Variants in LTK observed in about 807,000 individuals in gnomAD.
The protein encoded by LTK is leukocyte receptor tyrosine kinase.
In LTK, 117 loss-of-function variants were observed where a neutral mutation model predicts 101.5. The ratio of observed to expected loss-of-function variants is 1.15; its 90% CI spans 0.99 to 1.34. The LOEUF is 1.34. Ranked by LOEUF, LTK falls within the 40% of genes most tolerant of loss-of-function variation. The probability of loss-of-function intolerance (pLI) is 0.00; values close to 1 mark genes in which losing one functional copy is unlikely to be tolerated. For missense variants in LTK, 1,252 were observed against 1,164.7 expected, an observed-to-expected ratio of 1.07 and a Z score of -1.09; for synonymous variants, 563 against 494.2, an observed-to-expected ratio of 1.14 and a Z score of -1.85.
At chr15:41,506,564 C>G (rs316620) in intron 11 of LTK, among the ~76,000 whole-genome samples, 77,860 of 151,522 alleles carry the variant, frequency 0.51, 21,003 homozygotes, top group East Asian at 0.71. Context: ...CTTGGCCTCC[C>G]AAAGTGCTGA....
At chr15:41,508,245 A>C (rs749889308) in intron 8 of LTK, 24 bp from the exon 9 acceptor site, 75 of 1,597,618 alleles carry the variant, frequency 4.7e-5, no homozygotes, top group Non-Finnish European at 6.3e-5. Context: ...AACTGATATG[A>C]TATGGTGTGG....
chr15:41,508,013 G>A, intron 9 of LTK, 56 bp downstream of exon 9: 6 of 1,520,140 alleles, frequency 3.9e-6, no homozygotes, highest in South Asian at 1.3e-5. Context: ...GTGGCCTACT[G>A]CTCCTCCCAG....
intron 1 of LTK, 35 bp from the exon 2 acceptor site, chr15:41,513,155 G>A: frequency 6.5e-7 from 1 of 1,549,540 alleles, no homozygotes; most frequent in Non-Finnish European, 8.7e-7. Flanking sequence ...AGGACGTTAA[G>A]GCGGGTGGAA....
rs577397228 is a variant in LTK, at chr15:41,511,382, G to C, written c.815-36C>G. On this transcript the variant is annotated intron_variant, in intron 6 of 19. Transcript: ENST00000263800. This position sits in a 1 kb window ranked among gnomAD's most constrained non-coding sequence, Gnocchi z 5.9. Reference sequence around the variant, plus strand: ...ACAGCAGGAAGGTTGGCAGCCACACGGGGAGCACGCCCGCCTCTCCCCGCG... The same window carrying C: ...ACAGCAGGAAGGTTGGCAGCCACACCGGGAGCACGCCCGCCTCTCCCCGCG... 2 of 1,365,910 alleles carry C rather than the reference G, an allele frequency of 1.5e-6. No individual in the cohort carries two copies. The highest frequency in any genetic ancestry group is 1.9e-6 in the Non-Finnish European group (2 of 1,067,838). The allele number at this position is 1,365,910 out of a possible 1,614,324, so 84.6% of individuals were successfully genotyped here.
intron 4 of LTK, 56 bp from the exon 5 acceptor site, chr15:41,512,019 T>G (rs1465091968): frequency 1.2e-5 from 18 of 1,454,504 alleles, no homozygotes; most frequent in Non-Finnish European, 1.3e-5. Flanking sequence ...CTCGCTGTGC[T>G]GGTGACCCGG....
chr15:41,505,014 A>G lies in LTK; in HGVS notation c.1976T>C (p.Val659Ala), dbSNP rs1566863254. The part of the protein sequence containing the change: ...CLLSCAGPSR[V>A]AKIGDFGMAR... ...CATCCCAAAGTCCCCAATCTTGGCCACTCGGCTGGGTCCAGCGCAGCTCAG... is the reference window on the plus strand; with the variant it reads ...CATCCCAAAGTCCCCAATCTTGGCCGCTCGGCTGGGTCCAGCGCAGCTCAG... The change falls in exon 16 of 20, where the codon GTG becomes GCG. Residue 659 changes from valine (V) to alanine (A), a missense_variant. By Grantham distance (64) the Val-to-Ala change is moderately conservative. Coordinates refer to ENST00000263800, the MANE Select transcript of LTK (RefSeq NM_002344.6). 12 of 1,613,418 alleles carry G rather than the reference A, an allele frequency of 7.4e-6. No homozygotes were observed. The highest frequency in any genetic ancestry group is 1.1e-5 in the South Asian group (1 of 91,030).
chr15:41,504,303 C>T (rs1443052552), intron 19 of LTK, 39 bp downstream of exon 19: 1 of 1,612,172 alleles, frequency 6.2e-7, no homozygotes, highest in East Asian at 2.2e-5. Flanking sequence ...TCCCTCCTGA[C>T]CCACAAGACC....
At chr15:41,504,733 AGGGGAACAGT>A (rs1566862424) in intron 17 of LTK, 30 bp downstream of exon 17, 2 of 1,500,158 alleles carry the variant, frequency 1.3e-6, no homozygotes, top group South Asian at 2.4e-5. Flanking sequence ...GCCTCAGGGG[AGGGGAACAGT>A]GGGGAAGGGG....
Position 41,513,679 on chromosome 15 carries a change from A to C in LTK, c.31T>G (p.Phe11Val), listed in dbSNP as rs749006599. 6.2e-7 allele frequency: 1 copy of C among 1,613,080 alleles called. No individual in the cohort carries two copies. The highest frequency in any genetic ancestry group is 8.5e-7 in the Non-Finnish European group (1 of 1,179,830). MGCWGQLLVW[F>V]GAAGAILCSS... is the part of the protein sequence containing the mutation. ...AGATAGCACTTACCCGCGGCTCCGAACCACACCAGCAGCTGTCCCCAGCAG... is the reference window on the plus strand; with the variant it reads ...AGATAGCACTTACCCGCGGCTCCGACCCACACCAGCAGCTGTCCCCAGCAG... The change falls in exon 1 of 20, where the codon TTC becomes GTC. Residue 11 changes from phenylalanine to valine, a missense_variant. Coordinates refer to ENST00000263800, the MANE Select transcript of LTK (RefSeq NM_002344.6).
intron 7 of LTK, among the ~76,000 whole-genome samples, chr15:41,510,132 G>A (rs113841116): frequency 6.6e-6 from 1 of 151,502 alleles, no homozygotes; most frequent in Non-Finnish European, 1.5e-5. Flanking sequence ...TCAGCTTCCC[G>A]AGTAGCTGGG....
In LTK at chr15:41,511,567, G is replaced by C. The variant is rs1425853145; in HGVS notation, c.669C>G (p.Gly223=). 6.9e-7 allele frequency: 1 copy of C among 1,445,894 alleles called. No individual in the cohort carries two copies. The highest frequency in any genetic ancestry group is 1.5e-5 in the South Asian group (1 of 67,704). 89.6% of individuals were successfully genotyped at this position (1,445,894 alleles called of 1,614,324 possible). A position where few individuals can be genotyped will look rare whatever the true frequency, so the allele number is the denominator to read the frequency against. ...GATYVFRVRA[G]ELEPLLVAAG... ...CCGCCACCAGCAACGGTTCCAGCTC[G>C]CCAGCGCGCACCTGTGGGGCCAGCG... The change falls in exon 6 of 20, where the codon GGC becomes GGG. Residue 223 remains glycine, a synonymous_variant. Transcript: ENST00000263800. This position sits in a 1 kb window ranked among gnomAD's most constrained non-coding sequence, Gnocchi z 5.9.
chr15:41,504,889 A>G lies in LTK; in HGVS notation c.2019-15T>C, dbSNP rs1205083883. The G allele has an allele frequency of 2.5e-6, 4 of 1,607,308 alleles. No individual in the cohort carries two copies. The Admixed American group carries it at 5.0e-5, about 20-fold the overall frequency. ...AATAACTGGCCCTACAGGAGGGAGG[A>G]GGTGAATGATGAGTTGTTCACCACC... On this transcript the variant is annotated splice_polypyrimidine_tract_variant and intron_variant, in intron 16 of 19. Coordinates refer to ENST00000263800, the MANE Select transcript of LTK (RefSeq NM_002344.6).
intron 1 of LTK, 112 bp from the exon 2 acceptor site, chr15:41,513,232 C>T: frequency 8.0e-7 from 1 of 1,247,882 alleles, no homozygotes; most frequent in Non-Finnish European, 1.1e-6. Flanking sequence ...CACCCGTCAC[C>T]CGGCCCAGCC....
At position 41,504,328 on chromosome 15, in the gene LTK, G is replaced by C; in HGVS notation, c.2346+14C>G. On this transcript the variant is annotated intron_variant, in intron 19 of 19. Coordinates refer to ENST00000263800, the MANE Select transcript of LTK (RefSeq NM_002344.6). Reference sequence around the variant, plus strand: ...CCCACAAGACCAGGATGTTAGATTAGGTCGGGGGCACACCTGAGTGCAGTA... The same window carrying C: ...CCCACAAGACCAGGATGTTAGATTACGTCGGGGGCACACCTGAGTGCAGTA... 1 of 1,613,958 alleles carries C rather than the reference G, an allele frequency of 6.2e-7. No homozygotes were observed. Among genetic ancestry groups the C allele is most frequent in the Non-Finnish European group, 8.5e-7 (1 of 1,179,938 alleles).
At position 41,504,816 on chromosome 15, in the gene LTK, C is replaced by G. The variant is rs746087075; in HGVS notation, c.2077G>C (p.Glu693Gln). The G allele has an allele frequency of 1.2e-6, 2 of 1,613,378 alleles. No homozygotes were observed. The highest frequency in any genetic ancestry group is 1.7e-5 in the Admixed American group (1 of 59,886). The change falls in exon 17 of 20, where the codon GAG (glutamate) becomes CAG (glutamine). Residue 693 changes from glutamate to glutamine, a missense_variant. Glu to Gln is a conservative substitution (Grantham distance 29). Transcript: ENST00000263800. ...GTGAAGATGCCCTCCAGGAAGGCCT[C>G]TGGGGGCATCCACTTGACTGGGAGC... ...ALLPVKWMPPEAFLEGIFTSK... is the reference protein window; with the variant it reads ...ALLPVKWMPPQAFLEGIFTSK...
rs755144048 is a variant in LTK, at chr15:41,513,036, T to C, written c.128A>G (p.Asp43Gly). 1 of 1,612,566 alleles carries C rather than the reference T, an allele frequency of 6.2e-7. No homozygotes were observed. Among genetic ancestry groups the C allele is most frequent in the Non-Finnish European group, 8.5e-7 (1 of 1,179,666 alleles). ...ACTAGGCGGGGCGCTGACTTTCGGG[T>C]CCCGGGGGCTGGGACTTGCCAGCGG... The part of the protein sequence containing the change: ...PLPLASPSPR[D>G]PKVSAPPSIL... Residue 43 changes from aspartate (D) to glycine (G), a missense_variant, in exon 2 of 20, where the codon GAC (aspartate) becomes GGC (glycine). Coordinates refer to ENST00000263800, the MANE Select transcript of LTK (RefSeq NM_002344.6).
In LTK at chr15:41,505,773, A is replaced by C; in HGVS notation, c.1637T>G (p.Leu546Arg). ...SSPLQVAIKTLPELCSPQDEL... is the reference protein window; with the variant it reads ...SSPLQVAIKTRPELCSPQDEL... ...ATCCTGAGGCGAGCAGAGTTCTGGC[A>C]GGGTCTGGGGAGGAAAAGGGCACAG... is the stretch of plus-strand genomic sequence containing the variant. The change falls in exon 13 of 20, where the codon CTG (leucine) becomes CGG (arginine). Residue 546 changes from leucine to arginine, a missense_variant. Physicochemically the swap from Leu to Arg is moderately radical, Grantham distance 102. Coordinates refer to ENST00000263800, the MANE Select transcript of LTK (RefSeq NM_002344.6). 1 of 1,613,872 alleles carries C rather than the reference A, an allele frequency of 6.2e-7. No individual in the cohort carries two copies. Among genetic ancestry groups the C allele is most frequent in the Non-Finnish European group, 8.5e-7 (1 of 1,179,920 alleles).
intron 13 of LTK, 89 bp from the exon 14 acceptor site, chr15:41,505,619 C>T: frequency 1.2e-6 from 2 of 1,604,452 alleles, no homozygotes; most frequent in Non-Finnish European, 1.7e-6. Flanking sequence ...CCCTCTGTGT[C>T]CCCTGACTTG....
rs771688820 is a variant in LTK, at chr15:41,511,955, C to T, written c.519G>A (p.Pro173=). 1 of 1,484,188 alleles carries T rather than the reference C, an allele frequency of 6.7e-7. No individual in the cohort carries two copies. Among genetic ancestry groups the T allele is most frequent in the Non-Finnish European group, 8.8e-7 (1 of 1,130,784 alleles). The allele number at this position is 1,484,188 out of a possible 1,614,324, so 91.9% of individuals were successfully genotyped here. The change falls in exon 5 of 20, where the codon CCG becomes CCA. Residue 173 remains proline (P), a synonymous_variant. Coordinates refer to ENST00000263800, the MANE Select transcript of LTK (RefSeq NM_002344.6). The surrounding 1 kb of genome is among the most constrained non-coding windows in gnomAD (Gnocchi z 5.9). ...CCCCGAGGCAGACGAGCTGGCTCTC[C>T]GGGCTACCCTGCGGGCAGCGGGGGA... ...QGEDACPGGS[P]ESQLVCLGES...
Sources: allele counts gnomAD v4.1 joint callset (sites outside exome capture counted in the v4.1 genomes callset), GRCh38; gene constraint gnomAD v4.1.1; non-coding constraint Gnocchi (gnomAD v3.1); transcripts MANE v1.5; gene names NCBI Gene and HGNC (gene_info 2026-07-23, HGNC 2026-07-21).